The following DPP6 variants were observed in gnomAD, a reference collection of about 807,000 sequenced individuals.
DPP6 encodes A-type potassium channel modulatory protein DPP6.
A neutral mutation model predicts 122.6 loss-of-function variants in DPP6; 69 were observed. The ratio of observed to expected loss-of-function variants is 0.56; its 90% CI spans 0.46 to 0.69. The LOEUF (loss-of-function observed/expected upper bound fraction) is 0.69. Ranked by LOEUF, DPP6 falls within the 30% of genes least tolerant of loss-of-function variation. DPP6 has a pLI of 0.00. For synonymous variants in DPP6, 418 were observed against 433.1 expected (o/e 0.97, Z 0.43); for missense variants, 928 against 1,116.9 (o/e 0.83, Z 2.41).
the DPP6 span, among the ~76,000 whole-genome samples, chr7:153,832,359 C>T: frequency 6.6e-6 from 1 of 152,204 alleles, no homozygotes; most frequent in African/African-American, 2.4e-5. Context: ...GTCATCATGC[C>T]TCATGTGTTC....
At chr7:153,928,395 C>CTTTTT (rs1467865041) in intron 1 of DPP6, among the ~76,000 whole-genome samples, 11 of 29,994 alleles carry the variant, frequency 3.7e-4, no homozygotes, top group South Asian at 9.4e-4. Flanking sequence ...TCTTTTCTTT[C>CTTTTT]ATTTTTTTTT....
intron 1 of DPP6, among the ~76,000 whole-genome samples, chr7:154,394,756 T>C (rs1330027952): frequency 6.6e-6 from 1 of 152,150 alleles, no homozygotes; most frequent in African/African-American, 2.4e-5. Context: ...CCATTTTGAG[T>C]TAATTTTTGT....
intron 1 of DPP6, among the ~76,000 whole-genome samples, chr7:154,038,008 C>G (rs1342657299): frequency 8.5e-6 from 1 of 117,900 alleles, no homozygotes; most frequent in East Asian, 2.7e-4. Context: ...CCTTGGGAAT[C>G]TAAGATGTTA....
At position 154,892,801 on chromosome 7, in the gene DPP6, C is replaced by G. The variant is rs755215199; in HGVS notation, c.*321C>G. 3.5e-6 allele frequency: 2 copies of G among 577,834 alleles called. No individual in the cohort carries two copies. The highest frequency in any genetic ancestry group is 3.8e-5 in the Admixed American group (2 of 53,022). 35.8% of individuals were successfully genotyped at this position (577,834 alleles called of 1,614,324 possible). On this transcript the variant is annotated 3_prime_UTR_variant, in exon 26 of 26. Transcript: ENST00000377770. The stretch of plus-strand genomic sequence containing the variant: ...TGGTGGCCGCAGGCCCCACGCGAGC[C>G]CACAGGACACCGGCCCCTAGATTCC...
In DPP6 at chr7:154,223,706, T is replaced by G. The variant is rs1451422095; in HGVS notation, c.243+170643T>G. Among the ~76,000 whole-genome samples the G allele has an allele frequency of 2.7e-5, 4 of 149,370 alleles. 1 individual carries two copies. Among genetic ancestry groups the G allele is most frequent in the African/African-American group, 1.0e-4 (4 of 39,244 alleles). On this transcript the variant is annotated intron_variant, in intron 1 of 25. Transcript: ENST00000377770. ...AGGAAGAGGTGGGAGATGTCCCTAG[T>G]CCTGCAGGGCGTGGTGTGCCACATC...
intron 7 of DPP6, among the ~76,000 whole-genome samples, chr7:154,716,314 G>C (rs1841480179): frequency 6.6e-6 from 1 of 152,044 alleles, no homozygotes; most frequent in Non-Finnish European, 1.5e-5. Flanking sequence ...AGCCTGACCT[G>C]TCCCCCACTC....
chr7:154,291,445 G>A (rs1043603528), intron 1 of DPP6, among the ~76,000 whole-genome samples: 12 of 152,190 alleles, frequency 7.9e-5, no homozygotes, highest in Non-Finnish European at 1.8e-4. Context: ...TTGCATCAGC[G>A]AGGCCTTGCT....
the DPP6 span, among the ~76,000 whole-genome samples, chr7:153,839,055 A>C: frequency 8.7e-4 from 133 of 152,244 alleles, no homozygotes; most frequent in East Asian, 0.021. Context: ...GAGAGTTTGC[A>C]CTTCTAAGAA....
At chr7:153,913,982 T>C (rs1800198654) in intron 1 of DPP6, among the ~76,000 whole-genome samples, 1 of 152,198 alleles carries the variant, frequency 6.6e-6, no homozygotes, top group Non-Finnish European at 1.5e-5. Context: ...TACTTGCACT[T>C]ACTATTCACT....
intron 4 of DPP6, among the ~76,000 whole-genome samples, chr7:154,546,667 G>A (rs1457894261): frequency 6.6e-6 from 1 of 152,002 alleles, no homozygotes; most frequent in Non-Finnish European, 1.5e-5. Context: ...AATCATAGAT[G>A]TAGAATTTGA....
chr7:154,182,511 A>G (rs895056494), intron 1 of DPP6, among the ~76,000 whole-genome samples: 1 of 152,138 alleles, frequency 6.6e-6, no homozygotes, highest in African/African-American at 2.4e-5. Flanking sequence ...CAGGTCACCC[A>G]GTTCCTTCTG....
chr7:154,089,419 A>G (rs1376657897), intron 1 of DPP6, among the ~76,000 whole-genome samples: 1 of 134,706 alleles, frequency 7.4e-6, no homozygotes, highest in Non-Finnish European at 1.6e-5. Context: ...TCCTGGTTCT[A>G]TCATTTTCTA....
intron 1 of DPP6, among the ~76,000 whole-genome samples, chr7:154,256,754 C>A (rs1802681371): frequency 6.6e-6 from 1 of 152,178 alleles, no homozygotes; most frequent in Admixed American, 6.5e-5. Context: ...CTCAGTAGGT[C>A]GTTCTTGATG....
chr7:153,854,165 G>A, the DPP6 span, among the ~76,000 whole-genome samples: 1 of 150,454 alleles, frequency 6.6e-6, no homozygotes, highest in Non-Finnish European at 1.5e-5. Context: ...TAGATATGCG[G>A]CATTATTTCT....
At chr7:154,087,617 C>T (rs6464383) in intron 1 of DPP6, among the ~76,000 whole-genome samples, 23,725 of 152,096 alleles carry the variant, frequency 0.16, 2,046 homozygotes, top group African/African-American at 0.24. Flanking sequence ...TCTCTCTGTC[C>T]GTCCCTAATC....
the DPP6 span, among the ~76,000 whole-genome samples, chr7:153,784,794 AG>A: frequency 6.6e-6 from 1 of 152,220 alleles, no homozygotes; most frequent in Non-Finnish European, 1.5e-5. Context: ...ACAGACAGGT[AG>A]GGAATGGTAT....
chr7:154,319,852 A>G (rs1015848728), intron 1 of DPP6, among the ~76,000 whole-genome samples: 12 of 136,260 alleles, frequency 8.8e-5, no homozygotes, highest in Admixed American at 8.1e-4. Flanking sequence ...TTAGCTGGGC[A>G]TGGTGGTGGG....
intron 1 of DPP6, among the ~76,000 whole-genome samples, chr7:153,924,942 C>T (rs1800821637): frequency 6.6e-6 from 1 of 152,154 alleles, no homozygotes; most frequent in South Asian, 2.1e-4. Flanking sequence ...AAGATCTGGA[C>T]TCGAGGACAT....
intron 16 of DPP6, among the ~76,000 whole-genome samples, chr7:154,841,431 C>A (rs984823765): frequency 3.3e-5 from 5 of 151,866 alleles, no homozygotes; most frequent in Admixed American, 2.6e-4. Context: ...ACTTGGAATT[C>A]TGTGAATCAT....
Sources: allele counts gnomAD v4.1 joint callset (sites outside exome capture counted in the v4.1 genomes callset), GRCh38; gene constraint gnomAD v4.1.1; transcripts MANE v1.5; gene names NCBI Gene and HGNC (gene_info 2026-07-23, HGNC 2026-07-21).